LRATD2: variants seen among roughly 807,000 people sequenced by gnomAD.
LRATD2 encodes LRAT domain containing 2, also known as protein LRATD2.
A neutral mutation model predicts 12.0 loss-of-function variants in LRATD2; 10 were observed. That is an observed-to-expected ratio of 0.83 (90% CI 0.51 to 1.41). LRATD2 has a LOEUF of 1.41. LRATD2 is among the 40% of genes most tolerant of loss of function. LRATD2 has a pLI of 0.00. For synonymous variants in LRATD2, 220 were observed against 205.8 expected, an observed-to-expected ratio of 1.07 and a Z score of -0.59; for missense variants, 455 against 446.1, an observed-to-expected ratio of 1.02 and a Z score of -0.18.
At position 126,556,891 on chromosome 8, in the gene LRATD2, C is replaced by T. The variant is rs2130488134; in HGVS notation, c.499G>A (p.Val167Ile). ...GGCTTGTAGCGGTACAGATCGTTGA[C>T]CACGCGGCCGCGACGGCCCTGGCTG... Reference protein sequence around the residue: ...DASQGRRGRVVNDLYRYKPLS... With the variant: ...DASQGRRGRVINDLYRYKPLS... The change falls in exon 2 of 2, where the codon GTC becomes ATC. Residue 167 changes from valine (V) to isoleucine (I), a missense_variant. Physicochemically the swap from Val to Ile is conservative, Grantham distance 29. Coordinates refer to ENST00000304916, the MANE Select transcript of LRATD2 (RefSeq NM_174911.5). The surrounding 1 kb of genome is among the most constrained non-coding windows in gnomAD (Gnocchi z 5.6). 2 of 1,608,100 alleles carry T rather than the reference C, an allele frequency of 1.2e-6. No individual in the cohort carries two copies. The highest frequency in any genetic ancestry group is 1.7e-5 in the Admixed American group (1 of 59,940).
rs1817452397 is a variant in LRATD2, at chr8:126,557,734, C to G, written c.-96-249G>C. The G allele has an allele frequency of 3.6e-6, 1 of 275,164 alleles. No individual in the cohort carries two copies. The highest frequency in any genetic ancestry group is 6.8e-6 in the Non-Finnish European group (1 of 147,454). 17.0% of individuals were successfully genotyped at this position (275,164 alleles called of 1,614,324 possible). ...AAGCCCATTGCATCAGCAGCTTCTA[C>G]TGCTTCCGCCTGCGCCCTACCTGCC... On this transcript the variant is annotated intron_variant, in intron 1 of 1. Transcript: ENST00000304916. This position sits in a 1 kb window ranked among gnomAD's most constrained non-coding sequence, Gnocchi z 5.3.
rs534102421 is a variant in LRATD2, at chr8:126,555,791, G to A, written c.*666C>T. 1 of 152,792 alleles carries A rather than the reference G, an allele frequency of 6.5e-6. No homozygotes were observed. Among genetic ancestry groups the A allele is most frequent in the South Asian group, 2.1e-4 (1 of 4,826 alleles). 9.5% of individuals were successfully genotyped at this position (152,792 alleles called of 1,614,324 possible). A position where few individuals can be genotyped will look rare whatever the true frequency, so the allele number is the denominator to read the frequency against. On this transcript the variant is annotated 3_prime_UTR_variant, in exon 2 of 2. Coordinates refer to ENST00000304916, the MANE Select transcript of LRATD2 (RefSeq NM_174911.5). ...AGGCTAATTACTTGGGGGTTGTGGA[G>A]GAGGGAGGTAGCAAAGTCTTTGTTT...
Position 126,556,857 on chromosome 8 carries a change from G to A in LRATD2, c.533C>T (p.Ser178Phe). The change falls in exon 2 of 2, where the codon TCC becomes TTC. Residue 178 changes from serine (S) to phenylalanine (F), a missense_variant. Transcript: ENST00000304916. The surrounding 1 kb of genome is among the most constrained non-coding windows in gnomAD (Gnocchi z 5.6). The stretch of plus-strand genomic sequence containing the variant: ...CAGCGCGTTGCGCACCACGGCGCTG[G>A]AGCTTAGCGGCTTGTAGCGGTACAG... ...NDLYRYKPLS[S>F]SAVVRNALAH... The A allele has an allele frequency of 6.2e-7, 1 of 1,607,176 alleles. No homozygotes were observed. Among genetic ancestry groups the A allele is most frequent in the Non-Finnish European group, 8.5e-7 (1 of 1,179,612 alleles).
At position 126,557,215 on chromosome 8, in the gene LRATD2, AGCCGCC is replaced by A. The variant is rs748801804; in HGVS notation, c.169_174del (p.Gly57_Gly58del). ...GGCGGCCCGTCCCCACCGTCGGGCA[AGCCGCC>A]GCCATCTGGCCCCTGAGGCGGCGGC... On this transcript the variant is annotated inframe_deletion, in exon 2 of 2. Coordinates refer to ENST00000304916, the MANE Select transcript of LRATD2 (RefSeq NM_174911.5). The surrounding 1 kb of genome is among the most constrained non-coding windows in gnomAD (Gnocchi z 5.3). 9.4e-6 allele frequency: 15 copies of A among 1,599,614 alleles called. No homozygotes were observed. Among genetic ancestry groups the A allele is most frequent in the Non-Finnish European group, 1.3e-5 (15 of 1,173,790 alleles).
chr8:126,552,497 T>C lies in LRATD2; in HGVS notation c.*3960A>G, dbSNP rs1192537522. ...GCTCATAGCATCTTTTGAAAAGAAC[T>C]TGACAGGTTTTATTTTAATAAGACA... On this transcript the variant is annotated 3_prime_UTR_variant, in exon 2 of 2. Transcript: ENST00000304916. The C allele has an allele frequency of 1.3e-5, 2 of 152,650 alleles. No individual in the cohort carries two copies. Among genetic ancestry groups the C allele is most frequent in the African/African-American group, 4.8e-5 (2 of 41,464 alleles). 9.5% of individuals were successfully genotyped at this position (152,650 alleles called of 1,614,324 possible).
rs1817418596 is a variant in LRATD2, at chr8:126,556,916, G to A, written c.474C>T (p.Ala158=). ...LEVINSFLTD[A]SQGRRGRVVN... is the part of the protein sequence containing the mutation. Reference sequence around the variant, plus strand: ...CCACGCGGCCGCGACGGCCCTGGCTGGCGTCAGTCAGGAAGCTGTTAATCA... The same window carrying A: ...CCACGCGGCCGCGACGGCCCTGGCTAGCGTCAGTCAGGAAGCTGTTAATCA... The change falls in exon 2 of 2, where the codon GCC becomes GCT. Residue 158 remains alanine (A), a synonymous_variant. Coordinates refer to ENST00000304916, the MANE Select transcript of LRATD2 (RefSeq NM_174911.5). This position sits in a 1 kb window ranked among gnomAD's most constrained non-coding sequence, Gnocchi z 5.6. The A allele has an allele frequency of 6.2e-7, 1 of 1,609,842 alleles. No individual in the cohort carries two copies.
At position 126,556,138 on chromosome 8, in the gene LRATD2, G is replaced by T. The variant is rs992819308; in HGVS notation, c.*319C>A. 1.2e-4 allele frequency: 44 copies of T among 370,716 alleles called. No homozygotes were observed. The highest frequency in any genetic ancestry group is 7.8e-4 in the African/African-American group (37 of 47,178). The allele number at this position is 370,716 out of a possible 1,614,324, so 23.0% of individuals were successfully genotyped here. On this transcript the variant is annotated 3_prime_UTR_variant, in exon 2 of 2. Coordinates refer to ENST00000304916, the MANE Select transcript of LRATD2 (RefSeq NM_174911.5). This position sits in a 1 kb window ranked among gnomAD's most constrained non-coding sequence, Gnocchi z 5.6. ...CAACCCCACGTGCTTAAGAATGGCC[G>T]ATTATAAACCCAGATCTACCAAGGT...
At position 126,552,530 on chromosome 8, in the gene LRATD2, G is replaced by C. The variant is rs976320864; in HGVS notation, c.*3927C>G. The C allele has an allele frequency of 6.6e-6, 1 of 152,626 alleles. No individual in the cohort carries two copies. Among genetic ancestry groups the C allele is most frequent in the African/African-American group, 2.4e-5 (1 of 41,464 alleles). The allele number at this position is 152,626 out of a possible 1,614,324, so 9.5% of individuals were successfully genotyped here. A position where few individuals can be genotyped will look rare whatever the true frequency, so the allele number is the denominator to read the frequency against. Reference sequence around the variant, plus strand: ...TTTTATTTTAATAAGACATAGTGAAGAGGAAATGGCTTAAAAGATATCATC... The same window carrying C: ...TTTTATTTTAATAAGACATAGTGAACAGGAAATGGCTTAAAAGATATCATC... On this transcript the variant is annotated 3_prime_UTR_variant, in exon 2 of 2. Transcript: ENST00000304916.
At position 126,553,494 on chromosome 8, in the gene LRATD2, A is replaced by G. The variant is rs1197341277; in HGVS notation, c.*2963T>C. On this transcript the variant is annotated 3_prime_UTR_variant, in exon 2 of 2. Transcript: ENST00000304916. ...AATTCACAGTACAAAACAGTTCTAC[A>G]GTCTTATTCCTAAGGAGAAACAAAA... 2 of 152,690 alleles carry G rather than the reference A, an allele frequency of 1.3e-5. No individual in the cohort carries two copies. Among genetic ancestry groups the G allele is most frequent in the Non-Finnish European group, 2.9e-5 (2 of 68,040 alleles). The allele number at this position is 152,690 out of a possible 1,614,324, so 9.5% of individuals were successfully genotyped here.
In LRATD2 at chr8:126,552,742, C is replaced by T. The variant is rs1817306604; in HGVS notation, c.*3715G>A. 6.6e-6 allele frequency: 1 copy of T among 152,552 alleles called. No homozygotes were observed. Among genetic ancestry groups the T allele is most frequent in the Non-Finnish European group, 1.5e-5 (1 of 68,032 alleles). The allele number at this position is 152,552 out of a possible 1,614,324, so 9.4% of individuals were successfully genotyped here. A position where few individuals can be genotyped will look rare whatever the true frequency, so the allele number is the denominator to read the frequency against. ...ATGTGGAATTTATCCTGTTTGTCAA[C>T]ATAATTCTTCATGAGTCACAAGTAT... On this transcript the variant is annotated 3_prime_UTR_variant, in exon 2 of 2. Transcript: ENST00000304916.
chr8:126,557,057 G>A lies in LRATD2; in HGVS notation c.333C>T (p.Asn111=). 6.2e-7 allele frequency: 1 copy of A among 1,608,340 alleles called. No individual in the cohort carries two copies. Among genetic ancestry groups the A allele is most frequent in the Non-Finnish European group, 8.5e-7 (1 of 1,179,986 alleles). ...CGCCCGGCTTGCACTTGTTGAGCAG[G>A]TTCTCGGGCGTGTAGGTACTCAGCG... ...SAALSTYTPE[N]LLNKCKPGDL... Residue 111 remains asparagine, a synonymous_variant, in exon 2 of 2, where the codon AAC becomes AAT. Transcript: ENST00000304916. The surrounding 1 kb of genome is among the most constrained non-coding windows in gnomAD (Gnocchi z 5.3).
In LRATD2 at chr8:126,557,529, G is replaced by A; in HGVS notation, c.-96-44C>T. On this transcript the variant is annotated intron_variant, in intron 1 of 1. Coordinates refer to ENST00000304916, the MANE Select transcript of LRATD2 (RefSeq NM_174911.5). The surrounding 1 kb of genome is among the most constrained non-coding windows in gnomAD (Gnocchi z 5.3). ...AAGAAAGCCATGCAGGAGCCCCTCC[G>A]TGAAAAGGGCGTTTTGTTCCGAAAA... The A allele has an allele frequency of 1.1e-6, 1 of 904,224 alleles. No homozygotes were observed. Among genetic ancestry groups the A allele is most frequent in the Non-Finnish European group, 1.7e-6 (1 of 599,690 alleles). The allele number at this position is 904,224 out of a possible 1,614,324, so 56.0% of individuals were successfully genotyped here.
Position 126,556,951 on chromosome 8 carries a change from G to C in LRATD2, c.439C>G (p.Arg147Gly), listed in dbSNP as rs746098110. ...VGNFQVVHLH[R>G]LEVINSFLTD... ...AGGAAGCTGTTAATCACCTCCAGCC[G>C]GTGCAGGTGCACCACCTGGAAGTTA... is the stretch of plus-strand genomic sequence containing the variant. Residue 147 changes from arginine to glycine, a missense_variant, in exon 2 of 2, where the codon CGG (arginine) becomes GGG (glycine). Transcript: ENST00000304916. This position sits in a 1 kb window ranked among gnomAD's most constrained non-coding sequence, Gnocchi z 5.6. The C allele has an allele frequency of 3.1e-6, 5 of 1,609,900 alleles. No individual in the cohort carries two copies. The highest frequency in any genetic ancestry group is 4.2e-6 in the Non-Finnish European group (5 of 1,179,992).
Position 126,556,795 on chromosome 8 carries a change from G to C in LRATD2, c.595C>G (p.Arg199Gly). 2.5e-6 allele frequency: 4 copies of C among 1,598,136 alleles called. No individual in the cohort carries two copies. The highest frequency in any genetic ancestry group is 1.1e-5 in the South Asian group (1 of 89,968). ...CAGGCGGCGAAACTCTCCGAGTTGC[G>C]CCAGCTCAGCTCGCGCTCCTTGGCA... ...VGAKERELSW[R>G]NSESFAAWCR... Residue 199 changes from arginine (R) to glycine (G), a missense_variant, in exon 2 of 2, where the codon CGC becomes GGC. Physicochemically the swap from Arg to Gly is moderately radical, Grantham distance 125 (BLOSUM62 -2). Coordinates refer to ENST00000304916, the MANE Select transcript of LRATD2 (RefSeq NM_174911.5). This position sits in a 1 kb window ranked among gnomAD's most constrained non-coding sequence, Gnocchi z 5.6.
Position 126,552,815 on chromosome 8 carries a change from T to A in LRATD2, c.*3642A>T, listed in dbSNP as rs1817308017. On this transcript the variant is annotated 3_prime_UTR_variant, in exon 2 of 2. Transcript: ENST00000304916. Reference sequence around the variant, plus strand: ...AAAAGCTGAATCAGTTGATAGTTACTCTGATTTAAAAAACATTTCACAAAT... The same window carrying A: ...AAAAGCTGAATCAGTTGATAGTTACACTGATTTAAAAAACATTTCACAAAT... 1 of 152,650 alleles carries A rather than the reference T, an allele frequency of 6.6e-6. No individual in the cohort carries two copies. The highest frequency in any genetic ancestry group is 1.5e-5 in the Non-Finnish European group (1 of 68,038). The allele number at this position is 152,650 out of a possible 1,614,324, so 9.5% of individuals were successfully genotyped here.
At position 126,556,387 on chromosome 8, in the gene LRATD2, G is replaced by GA. The variant is rs562469733; in HGVS notation, c.*69dup. On this transcript the variant is annotated 3_prime_UTR_variant, in exon 2 of 2. Coordinates refer to ENST00000304916, the MANE Select transcript of LRATD2 (RefSeq NM_174911.5). The surrounding 1 kb of genome is among the most constrained non-coding windows in gnomAD (Gnocchi z 5.6). ...GACAGTGGCAAAAGAGGGAGGAAGA[G>GA]AGGGAGAAAGGGAGCAGCGGCTGCT... The GA allele has an allele frequency of 1.3e-3, 1,905 of 1,451,792 alleles. 21 individuals are homozygous for GA. The African/African-American group carries it at 0.026, about 20-fold the overall frequency. The allele number at this position is 1,451,792 out of a possible 1,614,324, so 89.9% of individuals were successfully genotyped here. A position where few individuals can be genotyped will look rare whatever the true frequency, so the allele number is the denominator to read the frequency against.
In LRATD2 at chr8:126,556,602, G is replaced by A. The variant is rs941132916; in HGVS notation, c.788C>T (p.Ala263Val). ...EKRRNDQIGRAAVLQELATHL... is the reference protein window; with the variant it reads ...EKRRNDQIGRVAVLQELATHL... ...CGTGGCGAGCTCCTGCAGCACGGCC[G>A]CGCGCCCGATCTGGTCGTTGCGTCG... Residue 263 changes from alanine to valine, a missense_variant, in exon 2 of 2, where the codon GCG (alanine) becomes GTG (valine). Transcript: ENST00000304916. The surrounding 1 kb of genome is among the most constrained non-coding windows in gnomAD (Gnocchi z 5.6). The A allele has an allele frequency of 1.2e-6, 2 of 1,610,030 alleles. No homozygotes were observed. Among genetic ancestry groups the A allele is most frequent in the South Asian group, 1.1e-5 (1 of 90,866 alleles).
In LRATD2 at chr8:126,556,666, G is replaced by A; in HGVS notation, c.724C>T (p.Leu242Phe). Residue 242 changes from leucine to phenylalanine, a missense_variant, in exon 2 of 2, where the codon CTC becomes TTC. By Grantham distance (22) the Leu-to-Phe change is conservative. Coordinates refer to ENST00000304916, the MANE Select transcript of LRATD2 (RefSeq NM_174911.5). The surrounding 1 kb of genome is among the most constrained non-coding windows in gnomAD (Gnocchi z 5.6). ...IQLSAQRSHT[L>F]EFQSLEDLIM... ...AGGTCCTCTAGACTCTGGAACTCGA[G>A]CGTGTGGCTGCGCTGCGCCGACAGC... The A allele has an allele frequency of 6.2e-7, 1 of 1,611,280 alleles. No homozygotes were observed.
In LRATD2 at chr8:126,556,544, G is replaced by C. The variant is rs1302510831; in HGVS notation, c.846C>G (p.Asp282Glu). ...GCGGCGTAGTCCGCGCCACGTTGCTGTCGCCCTCCTCCGGCTCCGCCGGGT... is the reference window on the plus strand; with the variant it reads ...GCGGCGTAGTCCGCGCCACGTTGCTCTCGCCCTCCTCCGGCTCCGCCGGGT... ...HLHPAEPEEGDSNVARTTPPP... is the reference protein window; with the variant it reads ...HLHPAEPEEGESNVARTTPPP... The change falls in exon 2 of 2, where the codon GAC becomes GAG. Residue 282 changes from aspartate to glutamate, a missense_variant. Coordinates refer to ENST00000304916, the MANE Select transcript of LRATD2 (RefSeq NM_174911.5). The surrounding 1 kb of genome is among the most constrained non-coding windows in gnomAD (Gnocchi z 5.6). The C allele has an allele frequency of 6.2e-7, 1 of 1,604,244 alleles. No homozygotes were observed. The highest frequency in any genetic ancestry group is 1.7e-5 in the Admixed American group (1 of 58,400).
Sources: gnomAD v4.1 joint callset for allele counts on GRCh38, gnomAD v4.1.1 for gene constraint, Gnocchi (gnomAD v3.1) non-coding constraint, MANE v1.5 for transcripts, NCBI Gene and HGNC (gene_info 2026-07-23, HGNC 2026-07-21) for gene names.